CFAP97D2: variants seen among roughly 807,000 people sequenced by gnomAD.
The protein encoded by CFAP97D2 is uncharacterized protein CFAP97D2.
chr13:114,194,267 T>G (rs2080878358), intron 1 of CFAP97D2, among the ~76,000 whole-genome samples: 1 of 152,118 alleles, frequency 6.6e-6, no homozygotes, highest in Admixed American at 6.6e-5. Flanking sequence ...TACCTGCCAA[T>G]AAAATGTCAA....
chr13:114,181,955 G>T (rs371025389), intron 1 of CFAP97D2, among the ~76,000 whole-genome samples: 1 of 152,218 alleles, frequency 6.6e-6, no homozygotes, highest in South Asian at 2.1e-4. Context: ...ATTTCTAGTC[G>T]GGTGGGACGA....
Position 114,188,711 on chromosome 13 carries a change from A to C in CFAP97D2, c.91-7685A>C, listed in dbSNP as rs1367042332. 2.0e-5 allele frequency among the ~76,000 whole-genome samples: 3 copies of C among 149,132 alleles called. No homozygotes were observed. In the East Asian group the frequency reaches 6.1e-4, roughly 30 times the overall value. ...AGAATGGCATGAACCCCGGAGGAGGAGCTTGCAGTGAGCCGAGATTGCGCC... is the reference window on the plus strand; with the variant it reads ...AGAATGGCATGAACCCCGGAGGAGGCGCTTGCAGTGAGCCGAGATTGCGCC... On this transcript the variant is annotated intron_variant, in intron 1 of 4. Transcript: ENST00000646158.
In CFAP97D2 at chr13:114,213,506, G is replaced by A. The variant is rs1348376004; in HGVS notation, c.480+1405G>A. Among the ~76,000 whole-genome samples the A allele has an allele frequency of 3.6e-5, 5 of 139,156 alleles. No homozygotes were observed. The Admixed American group carries it at 3.7e-4, about 10-fold the overall frequency. The allele number at this position is 139,156 out of a possible 152,430, so 91.3% of individuals were successfully genotyped here. Reference sequence around the variant, plus strand: ...GACCACAGACCCCACCCCTGGACAAGCTCCAGGCCAATGAACCCCACCCCT... The same window carrying A: ...GACCACAGACCCCACCCCTGGACAAACTCCAGGCCAATGAACCCCACCCCT... On this transcript the variant is annotated intron_variant, in intron 4 of 4. Transcript: ENST00000646158.
Position 114,211,109 on chromosome 13 carries a change from GT to G in CFAP97D2, c.291-801del, listed in dbSNP as rs2080964950. Among the ~76,000 whole-genome samples, 1 of 152,156 alleles carries G rather than the reference GT, an allele frequency of 6.6e-6. No homozygotes were observed. Among genetic ancestry groups the G allele is most frequent in the Non-Finnish European group, 1.5e-5 (1 of 68,028 alleles). On this transcript the variant is annotated intron_variant, in intron 3 of 4. Transcript: ENST00000646158. The surrounding 1 kb of genome is among the most constrained non-coding windows in gnomAD (Gnocchi z 4.2). Reference sequence around the variant, plus strand: ...TTCCCTGCTTCCACAAATCTCCCTAGTTCACCAAACTCTCAGCCCTAACCCT... The same window carrying G: ...TTCCCTGCTTCCACAAATCTCCCTAGTCACCAAACTCTCAGCCCTAACCCT...
intron 1 of CFAP97D2, among the ~76,000 whole-genome samples, chr13:114,190,362 C>T (rs1369749758): frequency 1.3e-5 from 2 of 152,008 alleles, no homozygotes; most frequent in Admixed American, 1.3e-4. Context: ...ATAAAGCTGT[C>T]TTTGATGGCA....
At chr13:114,182,455 C>T (rs914701279) in intron 1 of CFAP97D2, among the ~76,000 whole-genome samples, 7 of 151,832 alleles carry the variant, frequency 4.6e-5, no homozygotes, top group Non-Finnish European at 7.4e-5. Flanking sequence ...AGAGGCCTTC[C>T]TCTTTTACTA....
intron 4 of CFAP97D2, among the ~76,000 whole-genome samples, chr13:114,216,952 G>C (rs2080996500): frequency 1.3e-5 from 2 of 152,164 alleles, no homozygotes; most frequent in African/African-American, 4.8e-5. Context: ...TCCAGCACCT[G>C]TTGTTTCCTG....
chr13:114,220,277 G>A (rs1379353776), intron 4 of CFAP97D2, among the ~76,000 whole-genome samples: 1 of 152,016 alleles, frequency 6.6e-6, no homozygotes, highest in Admixed American at 6.6e-5. Context: ...GCCTCGCATG[G>A]ATGGGACACA....
chr13:114,219,860 G>T (rs2081012315), intron 4 of CFAP97D2, among the ~76,000 whole-genome samples: 1 of 152,160 alleles, frequency 6.6e-6, no homozygotes, highest in Admixed American at 6.5e-5. Flanking sequence ...GCTCCTGTGT[G>T]TGAGGGAGGA....
chr13:114,221,455 G>T (rs1208918764), intron 4 of CFAP97D2, among the ~76,000 whole-genome samples: 1 of 152,228 alleles, frequency 6.6e-6, no homozygotes, highest in African/African-American at 2.4e-5. Flanking sequence ...TATTTGAATA[G>T]AGATTTCTCC....
chr13:114,219,490 G>A (rs1045044482), intron 4 of CFAP97D2, among the ~76,000 whole-genome samples: 3 of 152,090 alleles, frequency 2.0e-5, no homozygotes, highest in African/African-American at 7.2e-5. Flanking sequence ...CCTGCTTTAT[G>A]TAACAGGAAA....
chr13:114,212,402 G>A (rs2080971172), intron 4 of CFAP97D2: 1 of 233,356 alleles, frequency 4.3e-6, no homozygotes, highest in Non-Finnish European at 8.2e-6. Flanking sequence ...TAGCCAGATA[G>A]TATGCATACA....
At position 114,186,733 on chromosome 13, in the gene CFAP97D2, C is replaced by T. The variant is rs1003145091; in HGVS notation, c.90+7313C>T. ...AGTATGCCTGGTCCAGGCACAGCCTCGCAGTGAGCCAGCACCCATGCTGGC... is the reference window on the plus strand; with the variant it reads ...AGTATGCCTGGTCCAGGCACAGCCTTGCAGTGAGCCAGCACCCATGCTGGC... On this transcript the variant is annotated intron_variant, in intron 1 of 4. Coordinates refer to ENST00000646158, the Ensembl canonical transcript of CFAP97D2. This position sits in a 1 kb window ranked among gnomAD's most constrained non-coding sequence, Gnocchi z 4.3. Among the ~76,000 whole-genome samples the T allele has an allele frequency of 2.6e-5, 4 of 152,232 alleles. No individual in the cohort carries two copies. The highest frequency in any genetic ancestry group is 4.4e-5 in the Non-Finnish European group (3 of 68,042).
intron 4 of CFAP97D2, among the ~76,000 whole-genome samples, chr13:114,212,463 C>A (rs948887551): frequency 6.6e-6 from 1 of 152,172 alleles, no homozygotes. Flanking sequence ...TCTATAACCC[C>A]CAGCACTTTG....
intron 2 of CFAP97D2, among the ~76,000 whole-genome samples, chr13:114,198,388 G>A (rs1178862999): frequency 6.6e-6 from 1 of 152,180 alleles, no homozygotes; most frequent in Non-Finnish European, 1.5e-5. Context: ...CCGACCACTT[G>A]GAAGCCTAAA....
At chr13:114,221,407 A>T (rs2081021521) in intron 4 of CFAP97D2, among the ~76,000 whole-genome samples, 1 of 152,246 alleles carries the variant, frequency 6.6e-6, no homozygotes, top group Non-Finnish European at 1.5e-5. Flanking sequence ...CATTTCAGAA[A>T]GATGTTTAAC....
intron 1 of CFAP97D2, among the ~76,000 whole-genome samples, chr13:114,182,428 C>T (rs1183592308): frequency 1.3e-5 from 2 of 151,964 alleles, no homozygotes; most frequent in Non-Finnish European, 2.9e-5. Context: ...CAGTGGCCTT[C>T]CTCTATCTCA....
At chr13:114,196,162 C>A (rs142986094) in intron 1 of CFAP97D2, among the ~76,000 whole-genome samples, 1 of 151,954 alleles carries the variant, frequency 6.6e-6, no homozygotes, top group African/African-American at 2.4e-5. Context: ...AATTCTCACC[C>A]TGCACCCACT....
chr13:114,184,175 C>G (rs1224963228), intron 1 of CFAP97D2, among the ~76,000 whole-genome samples: 6 of 152,000 alleles, frequency 3.9e-5, no homozygotes. Context: ...AACAGCCAAA[C>G]AAGGAACAAA....
Sources: gnomAD v4.1 joint callset for allele counts (sites outside exome capture counted in the v4.1 genomes callset) on GRCh38, gnomAD v4.1.1 for gene constraint, Gnocchi (gnomAD v3.1) non-coding constraint, MANE v1.5 for transcripts, NCBI Gene and HGNC (gene_info 2026-07-23, HGNC 2026-07-21) for gene names.